The following CENPP variants were observed in gnomAD, a reference collection of about 807,000 sequenced individuals.
The protein encoded by CENPP is centromere protein P.
CENPP carries 24 observed loss-of-function variants against 35.6 expected under a neutral mutation model. The observed-to-expected ratio is 0.67, with a 90% CI of 0.49 to 0.95. CENPP has a LOEUF of 0.95. Ranked by LOEUF, CENPP falls within the 40% of genes least tolerant of loss-of-function variation. The pLI is 0.00. For missense variants in CENPP, 332 were observed against 345.3 expected (o/e 0.96, Z 0.31); for synonymous variants, 120 against 125.5 (o/e 0.96, Z 0.29).
intron 5 of CENPP, among the ~76,000 whole-genome samples, chr9:92,497,168 T>C (rs1034139834): frequency 6.6e-6 from 1 of 152,194 alleles, no homozygotes; most frequent in African/African-American, 2.4e-5. Flanking sequence ...TATACAAACT[T>C]ATCTTTTGTG....
chr9:92,449,313 C>T (rs1209879329), intron 5 of CENPP, among the ~76,000 whole-genome samples: 1 of 151,282 alleles, frequency 6.6e-6, no homozygotes, highest in Non-Finnish European at 1.5e-5. Flanking sequence ...TGGTGGCGGG[C>T]GCCTGTAGTC....
intron 5 of CENPP, chr9:92,456,648 G>C (rs1298332727): frequency 1.5e-4 from 23 of 151,888 alleles, no homozygotes; most frequent in Admixed American, 1.4e-3. Context: ...ATATGCTATA[G>C]CCCCAAACCA....
chr9:92,474,063 G>A (rs747618242), intron 5 of CENPP, among the ~76,000 whole-genome samples: 3 of 152,232 alleles, frequency 2.0e-5, no homozygotes, highest in African/African-American at 4.8e-5. Context: ...GTGCTCTTGA[G>A]TGCTCCTTCA....
chr9:92,455,381 C>G (rs1205755691), intron 5 of CENPP, among the ~76,000 whole-genome samples: 1 of 152,038 alleles, frequency 6.6e-6, no homozygotes, highest in Non-Finnish European at 1.5e-5. Context: ...CAGAGCAAGA[C>G]TCTGTCTCTT....
rs188999006 is a variant in CENPP, at chr9:92,401,546, G to C, written c.564+21687G>C. ...TTTCTGAGGTGAAACTGTTCCTCAG[G>C]GGTCTTGTCTGAACTGAGTTTCTCA... On this transcript the variant is annotated intron_variant, in intron 5 of 7. Transcript: ENST00000375587. Among the ~76,000 whole-genome samples the C allele has an allele frequency of 1.1e-3, 172 of 152,244 alleles. 1 individual carries two copies. The highest frequency in any genetic ancestry group is 3.9e-3 in the African/African-American group (164 of 41,550).
intron 5 of CENPP, among the ~76,000 whole-genome samples, chr9:92,412,917 G>A (rs572054390): frequency 2.2e-4 from 30 of 139,212 alleles, no homozygotes; most frequent in Non-Finnish European, 3.0e-4. Flanking sequence ...GAACATGTGT[G>A]TTCAGTTCTA....
At chr9:92,327,988 A>C (rs1267580229) in intron 1 of CENPP, among the ~76,000 whole-genome samples, 1 of 152,174 alleles carries the variant, frequency 6.6e-6, no homozygotes, top group Non-Finnish European at 1.5e-5. Context: ...TTGTGTCTAC[A>C]TCCCAAATAG....
intron 5 of CENPP, among the ~76,000 whole-genome samples, chr9:92,430,531 A>G (rs892108072): frequency 1.3e-5 from 2 of 150,864 alleles, no homozygotes; most frequent in African/African-American, 4.9e-5. Context: ...TAATTTTTGT[A>G]TTGTAGTAGA....
chr9:92,332,095 T>A, intron 1 of CENPP, 75 bp from the exon 2 acceptor site: 1 of 931,166 alleles, frequency 1.1e-6, no homozygotes, highest in Non-Finnish European at 1.6e-6. Context: ...ATGGGAATGC[T>A]TTGAGGAAAA....
chr9:92,484,563 G>A (rs1447325359), intron 5 of CENPP, among the ~76,000 whole-genome samples: 2 of 152,088 alleles, frequency 1.3e-5, no homozygotes, highest in East Asian at 1.9e-4. Context: ...CTGTCATTTG[G>A]GGGTCATGTG....
At chr9:92,463,300 T>C (rs1348843839) in intron 5 of CENPP, among the ~76,000 whole-genome samples, 1 of 152,228 alleles carries the variant, frequency 6.6e-6, no homozygotes, top group African/African-American at 2.4e-5. Flanking sequence ...TAATACTGAC[T>C]GGATTATGCC....
intron 5 of CENPP, among the ~76,000 whole-genome samples, chr9:92,592,041 C>A (rs1484455531): frequency 6.6e-6 from 1 of 151,062 alleles, no homozygotes; most frequent in Non-Finnish European, 1.5e-5. Flanking sequence ...TACCCTAAAA[C>A]TTAAAGTATA....
intron 5 of CENPP, among the ~76,000 whole-genome samples, chr9:92,450,088 T>G (rs1844662891): frequency 6.6e-6 from 1 of 152,068 alleles, no homozygotes. Flanking sequence ...CAATTCTTTC[T>G]TTTTATTATT....
At chr9:92,418,168 C>A (rs554295116) in intron 5 of CENPP, among the ~76,000 whole-genome samples, 1 of 151,492 alleles carries the variant, frequency 6.6e-6, no homozygotes, top group South Asian at 2.1e-4. Context: ...CTCACTGCAG[C>A]CTCCACCTCC....
At chr9:92,451,790 G>T (rs1011594069) in intron 5 of CENPP, among the ~76,000 whole-genome samples, 381 of 150,748 alleles carry the variant, frequency 2.5e-3, no homozygotes, top group Non-Finnish European at 3.7e-3. Flanking sequence ...GTGGTTTGTA[G>T]TTCTCCTTGA....
At chr9:92,415,160 G>C in intron 5 of CENPP, 1 of 1,602,772 alleles carries the variant, frequency 6.2e-7, no homozygotes, top group South Asian at 1.1e-5. Context: ...TGCTATTCTT[G>C]ATTTTCATAA....
intron 5 of CENPP, among the ~76,000 whole-genome samples, chr9:92,477,135 G>C (rs540487202): frequency 1.8e-4 from 27 of 152,298 alleles, no homozygotes; most frequent in African/African-American, 6.5e-4. Context: ...AACTGTGGCT[G>C]ACTACTGTTC....
intron 7 of CENPP, 117 bp from the exon 8 acceptor site, chr9:92,612,901 TC>T: frequency 8.3e-7 from 1 of 1,208,522 alleles, no homozygotes; most frequent in Non-Finnish European, 1.2e-6. Flanking sequence ...GCATGTCCCA[TC>T]CCATGCAGCT....
chr9:92,543,471 CAAAAAAAAA>C (rs71362401), intron 5 of CENPP, among the ~76,000 whole-genome samples: 19 of 44,520 alleles, frequency 4.3e-4, no homozygotes, highest in African/African-American at 1.3e-3. Context: ...AACCCTGTCT[CAAAAAAAAA>C]AAAAAAAAAA....
Sources: gnomAD v4.1 joint callset for allele counts (sites outside exome capture counted in the v4.1 genomes callset) on GRCh38, gnomAD v4.1.1 for gene constraint, MANE v1.5 for transcripts, NCBI Gene and HGNC (gene_info 2026-07-23, HGNC 2026-07-21) for gene names.